CACNA1B: variants seen among roughly 807,000 people sequenced by gnomAD.
The protein encoded by CACNA1B is calcium voltage-gated channel subunit alpha1 B, also known as voltage-dependent N-type calcium channel subunit alpha-1B.
In CACNA1B, 70 loss-of-function variants were observed where a neutral mutation model predicts 247.2. That is an observed-to-expected ratio of 0.28 (90% confidence interval 0.23 to 0.35). The LOEUF (loss-of-function observed/expected upper bound fraction) is 0.35. Among genes scored for constraint, CACNA1B ranks in the 10% least tolerant of loss-of-function variants. The pLI is 1.00. For synonymous variants in CACNA1B, 1,231 were observed against 1,294.4 expected (o/e 0.95, Z 1.05); for missense variants, 2,367 against 3,197.4 (o/e 0.74, Z 6.26).
At chr9:138,066,281 G>A (rs962505410) in intron 31 of CACNA1B, among the ~76,000 whole-genome samples, 2 of 152,216 alleles carry the variant, frequency 1.3e-5, no homozygotes, top group Non-Finnish European at 2.9e-5. Context: ...GGGAATCCCT[G>A]CATCAAGAGA....
At chr9:138,092,144 G>T (rs1589123387) in intron 36 of CACNA1B, among the ~76,000 whole-genome samples, 1 of 152,296 alleles carries the variant, frequency 6.6e-6, no homozygotes, top group African/African-American at 2.4e-5. Flanking sequence ...TGTCCCACTA[G>T]GCACTCATTG....
chr9:137,901,542 G>T (rs1463246717), intron 3 of CACNA1B, among the ~76,000 whole-genome samples: 1 of 151,896 alleles, frequency 6.6e-6, no homozygotes, highest in Non-Finnish European at 1.5e-5. Context: ...GCATTATTTT[G>T]GTGATACAGA....
intron 6 of CACNA1B, among the ~76,000 whole-genome samples, chr9:137,922,060 A>G (rs1386221741): frequency 1.3e-5 from 2 of 150,252 alleles, no homozygotes; most frequent in Non-Finnish European, 3.0e-5. Context: ...ACGACCGCAC[A>G]GCATCCTGGG....
intron 6 of CACNA1B, among the ~76,000 whole-genome samples, chr9:137,922,669 A>G (rs1331696313): frequency 2.0e-5 from 3 of 152,220 alleles, no homozygotes; most frequent in Non-Finnish European, 4.4e-5. Context: ...GACAGGGGTT[A>G]AGGGAATGGG....
rs113934655 is a variant in CACNA1B, at chr9:138,033,548, G to A, written c.3286+8376G>A. Reference sequence around the variant, plus strand: ...TTTAGCTTGTCTACTGTGATGCCACGCCAGCAAGTAGTGGGGCATATTAGT... The same window carrying A: ...TTTAGCTTGTCTACTGTGATGCCACACCAGCAAGTAGTGGGGCATATTAGT... On this transcript the variant is annotated intron_variant, in intron 20 of 46. Transcript: ENST00000371372. Among the ~76,000 whole-genome samples the A allele has an allele frequency of 9.1e-3, 1,388 of 152,250 alleles. 8 individuals are homozygous for A. The highest frequency in any genetic ancestry group is 0.012 in the South Asian group (60 of 4,824).
At chr9:137,949,027 G>A (rs1217128737) in intron 6 of CACNA1B, among the ~76,000 whole-genome samples, 1 of 139,918 alleles carries the variant, frequency 7.1e-6, no homozygotes, top group Non-Finnish European at 1.5e-5. Context: ...TGTGTGTGGT[G>A]TATACGTGTG....
intron 31 of CACNA1B, among the ~76,000 whole-genome samples, chr9:138,061,603 G>C (rs575858294): frequency 5.3e-5 from 8 of 152,184 alleles, no homozygotes; most frequent in Non-Finnish European, 1.2e-4. Context: ...GGACCCCGCG[G>C]TCACCTGGCT....
chr9:138,020,579 G>A lies in CACNA1B; in HGVS notation c.2268-2432G>A, dbSNP rs1201725850. Among the ~76,000 whole-genome samples the A allele has an allele frequency of 1.8e-4, 28 of 152,218 alleles. No individual in the cohort carries two copies. Among genetic ancestry groups the A allele is most frequent in the Admixed American group, 1.8e-3 (28 of 15,278 alleles). ...ACTTGGTGGTGCTGGCCGAGTGAGGGCAGATGCAGACAGTCTCTGGTGACG... is the reference window on the plus strand; with the variant it reads ...ACTTGGTGGTGCTGGCCGAGTGAGGACAGATGCAGACAGTCTCTGGTGACG... On this transcript the variant is annotated intron_variant, in intron 18 of 46. Coordinates refer to ENST00000371372, the MANE Select transcript of CACNA1B (RefSeq NM_000718.4). This position sits in a 1 kb window ranked among gnomAD's most constrained non-coding sequence, Gnocchi z 4.1.
chr9:137,901,686 A>ATTTTTT, intron 3 of CACNA1B, among the ~76,000 whole-genome samples: 1 of 112,396 alleles, frequency 8.9e-6, no homozygotes, highest in Non-Finnish European at 1.8e-5. Flanking sequence ...TTTTTTTGTG[A>ATTTTTT]TTTTTTTTTT....
chr9:138,120,046 G>T, intron 44 of CACNA1B, 119 bp from the exon 45 acceptor site: 1 of 853,116 alleles, frequency 1.2e-6, no homozygotes, highest in South Asian at 1.7e-5. Flanking sequence ...CTGACTGTGA[G>T]ACCAGGATGG....
rs73669836 is a variant in CACNA1B at position 138,007,621 on chromosome 9, T to A, written c.2092+737T>A. Among the ~76,000 whole-genome samples the A allele has an allele frequency of 0.019, 2,823 of 152,236 alleles. 98 individuals are homozygous for A. Among genetic ancestry groups the A allele is most frequent in the African/African-American group, 0.064 (2,646 of 41,538 alleles). On this transcript the variant is annotated intron_variant, in intron 16 of 46. Coordinates refer to ENST00000371372, the MANE Select transcript of CACNA1B (RefSeq NM_000718.4). This position sits in a 1 kb window ranked among gnomAD's most constrained non-coding sequence, Gnocchi z 4.1. ...CCCCTGAGGGATGGTAAGCCTGGAT[T>A]CCAGCCCTAGCCCAGGGTGTCAGAG...
chr9:138,077,414 C>T (rs1057469797), intron 35 of CACNA1B, among the ~76,000 whole-genome samples: 10 of 152,166 alleles, frequency 6.6e-5, no homozygotes, highest in African/African-American at 9.6e-5. Context: ...GAGCTGGAAC[C>T]GAGATGGGGG....
At chr9:138,031,473 T>G (rs542927727) in intron 20 of CACNA1B, among the ~76,000 whole-genome samples, 2 of 152,206 alleles carry the variant, frequency 1.3e-5, no homozygotes, top group African/African-American at 4.8e-5. Context: ...GAAGGGAACA[T>G]GCATTCTGTG....
At chr9:138,069,452 C>T (rs901575969) in intron 31 of CACNA1B, among the ~76,000 whole-genome samples, 4 of 152,126 alleles carry the variant, frequency 2.6e-5, no homozygotes, top group Non-Finnish European at 4.4e-5. Flanking sequence ...GTCTGCATAA[C>T]CTACAGACTT....
chr9:137,914,866 ATGGGCACTGT>A lies in CACNA1B; in HGVS notation c.775+62_775+71del. ...TGCCACGGATGCGTTCATCCAGGAGATGGGCACTGTTCTAGGTGCTAGAGGGGCCTTCTTG... is the reference window on the plus strand; with the variant it reads ...TGCCACGGATGCGTTCATCCAGGAGATCTAGGTGCTAGAGGGGCCTTCTTG... On this transcript the variant is annotated intron_variant, in intron 5 of 46. Coordinates refer to ENST00000371372, the MANE Select transcript of CACNA1B (RefSeq NM_000718.4). This position sits in a 1 kb window ranked among gnomAD's most constrained non-coding sequence, Gnocchi z 4.3. 6.3e-7 allele frequency: 1 copy of A among 1,590,440 alleles called. No individual in the cohort carries two copies. The highest frequency in any genetic ancestry group is 8.6e-7 in the Non-Finnish European group (1 of 1,167,090).
chr9:137,956,253 G>A (rs1385213858), intron 8 of CACNA1B, among the ~76,000 whole-genome samples: 1 of 152,198 alleles, frequency 6.6e-6, no homozygotes, highest in Non-Finnish European at 1.5e-5. Context: ...GGGAAGCGAC[G>A]TGTGGGTAGG....
chr9:138,121,752 C>T lies in CACNA1B; in HGVS notation c.6773C>T (p.Pro2258Leu), dbSNP rs1430690049. ...LAPGSRIGSD[P>L]YLGQRLDSEA... ...CCTGGCTCTCGAATTGGCTCTGACCCTTACCTGGGGCAGCGTCTGGACAGT... is the reference window on the plus strand; with the variant it reads ...CCTGGCTCTCGAATTGGCTCTGACCTTTACCTGGGGCAGCGTCTGGACAGT... The change falls in exon 47 of 47, where the codon CCT becomes CTT. Residue 2258 changes from proline to leucine, a missense_variant. By Grantham distance (98) the Pro-to-Leu change is moderately conservative. Coordinates refer to ENST00000371372, the MANE Select transcript of CACNA1B (RefSeq NM_000718.4). This position sits in a 1 kb window ranked among gnomAD's most constrained non-coding sequence, Gnocchi z 6.8. 1 of 1,613,386 alleles carries T rather than the reference C, an allele frequency of 6.2e-7. No homozygotes were observed. The highest frequency in any genetic ancestry group is 2.2e-5 in the East Asian group (1 of 44,868).
At chr9:138,039,786 T>A (rs1959094119) in intron 20 of CACNA1B, among the ~76,000 whole-genome samples, 1 of 152,318 alleles carries the variant, frequency 6.6e-6, no homozygotes, top group Admixed American at 6.5e-5. Flanking sequence ...GTTCTTGTTC[T>A]ATATGTGCTT....
chr9:137,933,078 G>A (rs185769630), intron 6 of CACNA1B, among the ~76,000 whole-genome samples: 23 of 152,210 alleles, frequency 1.5e-4, no homozygotes, highest in African/African-American at 4.8e-4. Flanking sequence ...GACTACAGGC[G>A]CGTGCCACCA....
Sources: allele counts gnomAD v4.1 joint callset (sites outside exome capture counted in the v4.1 genomes callset), GRCh38; gene constraint gnomAD v4.1.1; non-coding constraint Gnocchi (gnomAD v3.1); transcripts MANE v1.5; gene names NCBI Gene and HGNC (gene_info 2026-07-23, HGNC 2026-07-21).